Variants in ATR observed in about 807,000 individuals in gnomAD.
ATR encodes the protein ATR checkpoint kinase.
In ATR, 142 loss-of-function variants were observed where a neutral mutation model predicts 305.3. The observed-to-expected ratio is 0.47, with a 90% CI of 0.41 to 0.53. The LOEUF (loss-of-function observed/expected upper bound fraction) is 0.53. Ranked by LOEUF, ATR falls within the 20% of genes least tolerant of loss-of-function variation. ATR has a pLI of 0.00. For synonymous variants in ATR, 1,050 were observed against 1,068.1 expected, an observed-to-expected ratio of 0.98 and a Z score of 0.33; for missense variants, 2,135 against 3,133.1, an observed-to-expected ratio of 0.68 and a Z score of 7.60.
intron 16 of ATR, among the ~76,000 whole-genome samples, chr3:142,545,451 A>G (rs1318412193): frequency 6.6e-6 from 1 of 152,046 alleles, no homozygotes; most frequent in African/African-American, 2.4e-5. Flanking sequence ...ACCATGTTGA[A>G]ATATAGGGAG....
At chr3:142,572,198 T>C (rs973268965) in intron 1 of ATR, among the ~76,000 whole-genome samples, 6 of 151,610 alleles carry the variant, frequency 4.0e-5, no homozygotes, top group African/African-American at 1.5e-4. Context: ...GCCTCCCGAG[T>C]AGCTGGGACT....
chr3:142,467,345 G>GA (rs1044001133), intron 39 of ATR, among the ~76,000 whole-genome samples: 1 of 151,878 alleles, frequency 6.6e-6, no homozygotes, highest in Non-Finnish European at 1.5e-5. Flanking sequence ...CAAATCTACC[G>GA]AAAAAAGTAC....
intron 1 of ATR, among the ~76,000 whole-genome samples, chr3:142,568,514 C>G (rs1208851353): frequency 6.6e-6 from 1 of 152,216 alleles, no homozygotes; most frequent in Admixed American, 6.5e-5. Flanking sequence ...GGTGCTAGGG[C>G]TGCTCTCTCC....
rs150810277 is a variant in ATR at position 142,505,283 on chromosome 3, A to G, written c.5052T>C (p.His1684=). 3.5e-5 allele frequency: 57 copies of G among 1,613,880 alleles called. No individual in the cohort carries two copies. The highest frequency in any genetic ancestry group is 4.5e-5 in the Non-Finnish European group (53 of 1,179,960). Residue 1684 remains histidine, a synonymous_variant, in exon 29 of 47, where the codon CAT becomes CAC. Transcript: ENST00000350721. ...GFLQKLYAAM[H]EPDGVAGVSA... is the part of the protein sequence containing the mutation. ...TGACTCCGGCCACTCCATCAGGTTCATGCATAGCAGCATACAATTTCTTTG... is the reference window on the plus strand; with the variant it reads ...TGACTCCGGCCACTCCATCAGGTTCGTGCATAGCAGCATACAATTTCTTTG...
chr3:142,526,217 T>C (rs1444038222), intron 21 of ATR, among the ~76,000 whole-genome samples: 1 of 152,218 alleles, frequency 6.6e-6, no homozygotes, highest in African/African-American at 2.4e-5. Context: ...ATCCCCTATT[T>C]TACTGAATTC....
intron 42 of ATR, 118 bp downstream of exon 42, chr3:142,461,822 A>C: frequency 9.0e-7 from 1 of 1,115,458 alleles, no homozygotes; most frequent in Non-Finnish European, 1.3e-6. Context: ...TATAAAATCT[A>C]GAAATTTCAC....
intron 23 of ATR, 37 bp from the exon 24 acceptor site, chr3:142,519,821 G>C: frequency 7.1e-7 from 1 of 1,416,256 alleles, no homozygotes; most frequent in South Asian, 1.1e-5. Context: ...AGTCCACAGT[G>C]AAGCAGATAA....
rs751668803 is a variant in ATR at position 142,451,869 on chromosome 3, CAGA to C, written c.7761+1256_7761+1258del. On this transcript the variant is annotated intron_variant, in intron 46 of 46. Coordinates refer to ENST00000350721, the MANE Select transcript of ATR (RefSeq NM_001184.4). ...CTGTTTAGAACAGAAATGGAGCGAG[CAGA>C]AGTTTTAACAGGTTCAAGAACTGGT... 1.0e-4 allele frequency: 134 copies of C among 1,319,600 alleles called. 1 individual carries two copies. Among genetic ancestry groups the C allele is most frequent in the Middle Eastern group, 2.8e-4 (1 of 3,636 alleles). The allele number at this position is 1,319,600 out of a possible 1,614,324, so 81.7% of individuals were successfully genotyped here.
At chr3:142,569,832 A>C (rs888432470) in intron 1 of ATR, among the ~76,000 whole-genome samples, 2 of 151,854 alleles carry the variant, frequency 1.3e-5, no homozygotes, top group African/African-American at 4.8e-5. Context: ...ATTTTAGTAG[A>C]GATGGGGTTT....
chr3:142,489,947 G>A (rs576232650), intron 35 of ATR, among the ~76,000 whole-genome samples: 1 of 152,260 alleles, frequency 6.6e-6, no homozygotes, highest in African/African-American at 2.4e-5. Context: ...TTTCATTGTG[G>A]TTTTAATTTG....
rs371164494 is a variant in ATR, at chr3:142,466,543, T to C, written c.6688-10A>G. 6.2e-7 allele frequency: 1 copy of C among 1,606,888 alleles called. No individual in the cohort carries two copies. The highest frequency in any genetic ancestry group is 1.3e-5 in the African/African-American group (1 of 74,800). ...AACTACTTCCATCAACCTGAAAAAA[T>C]AAATAGTGCATTTTAATTTGTTTTT... On this transcript the variant is annotated splice_polypyrimidine_tract_variant and intron_variant, in intron 39 of 46. Coordinates refer to ENST00000350721, the MANE Select transcript of ATR (RefSeq NM_001184.4).
intron 1 of ATR, among the ~76,000 whole-genome samples, chr3:142,574,786 A>C (rs995190008): frequency 1.3e-5 from 2 of 152,204 alleles, no homozygotes; most frequent in Non-Finnish European, 2.9e-5. Flanking sequence ...CCTGTCAGTC[A>C]TGGCTTCCTT....
At chr3:142,551,489 G>C (rs564148971) in intron 13 of ATR, among the ~76,000 whole-genome samples, 6 of 152,194 alleles carry the variant, frequency 3.9e-5, no homozygotes, top group Admixed American at 3.9e-4. Flanking sequence ...CAAGCAAATG[G>C]AACAGATTAG....
At chr3:142,497,229 T>C (rs2031703059) in intron 32 of ATR, 37 bp from the exon 33 acceptor site, 2 of 1,591,196 alleles carry the variant, frequency 1.3e-6, no homozygotes, top group African/African-American at 2.7e-5. Context: ...AATGTTATCA[T>C]ATTCAGCCTT....
chr3:142,562,471 T>C lies in ATR; in HGVS notation c.931A>G (p.Arg311Gly). The C allele has an allele frequency of 1.2e-6, 2 of 1,614,190 alleles. No individual in the cohort carries two copies. Among genetic ancestry groups the C allele is most frequent in the Non-Finnish European group, 1.7e-6 (2 of 1,180,002 alleles). ...TTTAAATAGACAGGTTCAATATTTCTATAAGCTTCTGCTTCAAAGGGAAAT... is the reference window on the plus strand; with the variant it reads ...TTTAAATAGACAGGTTCAATATTTCCATAAGCTTCTGCTTCAAAGGGAAAT... ...TLFPFEAEAY[R>G]NIEPVYLNML... The change falls in exon 4 of 47, where the codon AGA (arginine) becomes GGA (glycine). Residue 311 changes from arginine to glycine, a missense_variant. Around this residue, in one of 9 missense-constraint regions of ATR, gnomAD observed 744 missense variants for 873.2 expected, o/e 0.85. Coordinates refer to ENST00000350721, the MANE Select transcript of ATR (RefSeq NM_001184.4).
chr3:142,496,544 GT>G, intron 33 of ATR, 24 bp from the exon 34 acceptor site: 3 of 1,602,432 alleles, frequency 1.9e-6, no homozygotes, highest in Non-Finnish European at 2.6e-6. Flanking sequence ...CAACACATTG[GT>G]GAGAGAGACC....
At chr3:142,488,144 C>T (rs1376934662) in intron 35 of ATR, among the ~76,000 whole-genome samples, 3 of 152,076 alleles carry the variant, frequency 2.0e-5, no homozygotes, top group Non-Finnish European at 2.9e-5. Flanking sequence ...TATACCTGCT[C>T]GTTTCCTTCC....
intron 17 of ATR, among the ~76,000 whole-genome samples, chr3:142,541,249 TTG>T (rs2034042191): frequency 6.6e-6 from 1 of 152,208 alleles, no homozygotes; most frequent in Admixed American, 6.5e-5. Flanking sequence ...GAGTTCTTTT[TTG>T]TTTTTTCCCT....
chr3:142,539,829 T>C (rs115211705), intron 18 of ATR, among the ~76,000 whole-genome samples: 2 of 152,262 alleles, frequency 1.3e-5, no homozygotes, highest in Non-Finnish European at 2.9e-5. Flanking sequence ...ATAATAAAAT[T>C]AGAAAATCAT....
Sources: allele counts gnomAD v4.1 joint callset (sites outside exome capture counted in the v4.1 genomes callset), GRCh38; gene constraint gnomAD v4.1.1; regional missense constraint gnomAD v4.1.1; transcripts MANE v1.5; gene names NCBI Gene and HGNC (gene_info 2026-07-23, HGNC 2026-07-21).